Variants in ZBTB20 observed in about 807,000 individuals in gnomAD.
ZBTB20 encodes the protein zinc finger and BTB domain-containing protein 20.
Under a neutral mutation model 56.9 loss-of-function variants are expected in ZBTB20, and 9 were observed. The observed-to-expected ratio is 0.16, with a 90% CI of 0.10 to 0.28. ZBTB20 has a LOEUF of 0.28. Ranked by LOEUF, ZBTB20 falls within the 10% of genes least tolerant of loss-of-function variation. ZBTB20 has a pLI of 1.00. For synonymous variants in ZBTB20, 417 were observed against 420.7 expected (o/e 0.99, Z 0.11); for missense variants, 655 against 1,003.0 (o/e 0.65, Z 4.69).
At chr3:114,934,613 C>T (rs1185462612) in intron 3 of ZBTB20, among the ~76,000 whole-genome samples, 1 of 152,128 alleles carries the variant, frequency 6.6e-6, no homozygotes, top group African/African-American at 2.4e-5. Flanking sequence ...TTTATGTGTA[C>T]TGTGGCCCTT....
At chr3:114,659,476 T>C (rs762461702) in intron 6 of ZBTB20, among the ~76,000 whole-genome samples, 3 of 152,204 alleles carry the variant, frequency 2.0e-5, no homozygotes, top group Non-Finnish European at 4.4e-5. Context: ...TGTTTGTTTT[T>C]TTCCTGAAGC....
chr3:115,000,383 G>A (rs971526100), intron 2 of ZBTB20, among the ~76,000 whole-genome samples: 2 of 151,216 alleles, frequency 1.3e-5, no homozygotes, highest in Admixed American at 1.3e-4. Context: ...CCACCCCACC[G>A]CTAGAAGTCT....
intron 6 of ZBTB20, among the ~76,000 whole-genome samples, chr3:114,600,826 G>C (rs966370643): frequency 2.6e-5 from 4 of 151,960 alleles, no homozygotes; most frequent in African/African-American, 9.7e-5. Flanking sequence ...AGTCTCATCA[G>C]ATATAAGTAT....
chr3:114,367,276 T>A (rs190234762), intron 10 of ZBTB20: 1 of 152,374 alleles, frequency 6.6e-6, no homozygotes, highest in Admixed American at 6.5e-5. Context: ...CTTCTTTTTT[T>A]ATTTTTTAGA....
At chr3:114,793,321 A>T (rs959827083) in intron 5 of ZBTB20, among the ~76,000 whole-genome samples, 4 of 152,150 alleles carry the variant, frequency 2.6e-5, no homozygotes, top group Non-Finnish European at 4.4e-5. Context: ...CATTGGAATT[A>T]TTCCTTCTTA....
chr3:115,109,469 C>T (rs2083813900), intron 1 of ZBTB20, among the ~76,000 whole-genome samples: 1 of 152,138 alleles, frequency 6.6e-6, no homozygotes. Flanking sequence ...ATCTCTACTA[C>T]ATGTGTCAGA....
At chr3:115,100,670 T>C (rs896452607) in intron 1 of ZBTB20, 1 of 152,224 alleles carries the variant, frequency 6.6e-6, no homozygotes, top group Non-Finnish European at 1.5e-5. Flanking sequence ...TTATGCTCCA[T>C]TATGAGGAAT....
chr3:114,350,890 A>C lies in ZBTB20; in HGVS notation c.1188T>G (p.Pro396=), dbSNP rs745615751. Residue 396 remains proline (P), a synonymous_variant, in exon 11 of 12, where the codon CCT becomes CCG. Coordinates refer to ENST00000675478, the MANE Select transcript of ZBTB20 (RefSeq NM_001348800.3). The stretch of plus-strand genomic sequence containing the variant: ...CAGCCTGGCTGTCCCGCGCCGCCCC[A>C]GGCCCAAACTGCTGCTCCACCGAGT... ...EPDSVEQQFG[P]GAARDSQAEP... 38 of 1,607,012 alleles carry C rather than the reference A, an allele frequency of 2.4e-5. No individual in the cohort carries two copies. In the South Asian group the frequency reaches 3.7e-4, roughly 16 times the overall value.
At chr3:114,838,572 T>C (rs2074231360) in intron 4 of ZBTB20, among the ~76,000 whole-genome samples, 2 of 152,098 alleles carry the variant, frequency 1.3e-5, no homozygotes, top group Non-Finnish European at 2.9e-5. Context: ...TCTGAAAAGT[T>C]AAAAGAAGAC....
intron 2 of ZBTB20, among the ~76,000 whole-genome samples, chr3:115,040,809 G>A (rs917621086): frequency 6.6e-6 from 1 of 152,074 alleles, no homozygotes; most frequent in Non-Finnish European, 1.5e-5. Context: ...TTTTTGCCTT[G>A]AAACATTTCA....
intron 6 of ZBTB20, among the ~76,000 whole-genome samples, chr3:114,559,598 C>T (rs1235354813): frequency 6.6e-6 from 1 of 152,150 alleles, no homozygotes; most frequent in Non-Finnish European, 1.5e-5. Context: ...AAGCCATAAA[C>T]TAAAAGAGGC....
At chr3:114,642,721 T>C (rs746801596) in intron 6 of ZBTB20, among the ~76,000 whole-genome samples, 7 of 152,110 alleles carry the variant, frequency 4.6e-5, no homozygotes, top group Non-Finnish European at 1.0e-4. Flanking sequence ...ATAATAGCTC[T>C]ACAACTCGGT....
intron 7 of ZBTB20, among the ~76,000 whole-genome samples, chr3:114,432,240 T>C (rs1370321363): frequency 6.6e-6 from 1 of 151,412 alleles, no homozygotes; most frequent in East Asian, 1.9e-4. Flanking sequence ...AGAGAAACTG[T>C]ACCCATTTAC....
intron 3 of ZBTB20, among the ~76,000 whole-genome samples, chr3:114,958,038 A>G (rs577974931): frequency 1.3e-5 from 2 of 152,342 alleles, no homozygotes; most frequent in South Asian, 4.1e-4. Flanking sequence ...TGTACTAAAA[A>G]TGAACTCATC....
At position 115,060,722 on chromosome 3, in the gene ZBTB20, C is replaced by T. The variant is rs561759869; in HGVS notation, c.-507+10497G>A. Among the ~76,000 whole-genome samples, 15 of 152,226 alleles carry T rather than the reference C, an allele frequency of 9.9e-5. No homozygotes were observed. In the South Asian group the frequency reaches 1.4e-3, roughly 15 times the overall value. ...AAATAACTTATGAATCTCCCTAAATCTACTGCCATCATTTTATCAAATCCC... is the reference window on the plus strand; with the variant it reads ...AAATAACTTATGAATCTCCCTAAATTTACTGCCATCATTTTATCAAATCCC... On this transcript the variant is annotated intron_variant, in intron 2 of 11. Coordinates refer to ENST00000675478, the MANE Select transcript of ZBTB20 (RefSeq NM_001348800.3).
intron 2 of ZBTB20, among the ~76,000 whole-genome samples, chr3:115,059,887 T>C (rs2081955072): frequency 6.6e-6 from 1 of 152,192 alleles, no homozygotes; most frequent in Admixed American, 6.5e-5. Context: ...TCAAGAACCA[T>C]GTCTTTTATA....
intron 5 of ZBTB20, among the ~76,000 whole-genome samples, chr3:114,774,276 GA>G (rs2069428474): frequency 6.6e-6 from 1 of 152,118 alleles, no homozygotes; most frequent in African/African-American, 2.4e-5. Context: ...AATTCTTATA[GA>G]AACAGGATAA....
At chr3:114,875,440 G>A (rs976483409) in intron 4 of ZBTB20, among the ~76,000 whole-genome samples, 5 of 151,960 alleles carry the variant, frequency 3.3e-5, no homozygotes, top group Admixed American at 2.0e-4. Flanking sequence ...ATCCATACCA[G>A]TTACCAAAAT....
At chr3:114,362,741 A>G (rs1413394397) in intron 10 of ZBTB20, among the ~76,000 whole-genome samples, 1 of 152,124 alleles carries the variant, frequency 6.6e-6, no homozygotes, top group Non-Finnish European at 1.5e-5. Context: ...TCAACAGAGG[A>G]TTCAGTGGAA....
Sources: allele counts gnomAD v4.1 joint callset (sites outside exome capture counted in the v4.1 genomes callset), GRCh38; gene constraint gnomAD v4.1.1; transcripts MANE v1.5; gene names NCBI Gene and HGNC (gene_info 2026-07-23, HGNC 2026-07-21).